UCN3: variants seen among roughly 807,000 people sequenced by gnomAD.
The protein encoded by UCN3 is urocortin-3.
Under a neutral mutation model 3.6 loss-of-function variants are expected in UCN3, and 3 were observed. The ratio of observed to expected loss-of-function variants is 0.83; its 90% CI spans 0.38 to 2.15. The LOEUF (loss-of-function observed/expected upper bound fraction) is 2.15, where lower values mean the gene tolerates loss of function less well. UCN3 is among the 30% of genes most tolerant of loss of function. The pLI is 0.06. For synonymous variants in UCN3, 100 were observed against 93.2 expected (o/e 1.07, Z -0.42); for missense variants, 206 against 208.3 (o/e 0.99, Z 0.07).
intron 1 of UCN3, among the ~76,000 whole-genome samples, chr10:5,370,438 CGTGTGTATGT>C (rs1831364626): frequency 6.6e-5 from 1 of 15,094 alleles, no homozygotes. Context: ...TGTGTATATG[CGTGTGTATGT>C]GTGTGTGTAT....
Position 5,373,767 on chromosome 10 carries a change from G to A in UCN3, c.47G>A (p.Gly16Glu), listed in dbSNP as rs781916636. The A allele has an allele frequency of 6.2e-6, 10 of 1,613,682 alleles. No individual in the cohort carries two copies. Among genetic ancestry groups the A allele is most frequent in the South Asian group, 1.1e-5 (1 of 91,060 alleles). ...HFLLLLLLLL[G>E]GPRTGLPHKF... Reference sequence around the variant, plus strand: ...CTGCTGCTCCTGCTGCTGCTCCTGGGGGGCCCCAGGACAGGCCTCCCCCAC... The same window carrying A: ...CTGCTGCTCCTGCTGCTGCTCCTGGAGGGCCCCAGGACAGGCCTCCCCCAC... Residue 16 changes from glycine (G) to glutamate (E), a missense_variant, in exon 2 of 2, where the codon GGG (glycine) becomes GAG (glutamate). Gly to Glu is a moderately conservative substitution (Grantham distance 98, BLOSUM62 -2). Coordinates refer to ENST00000380433, the MANE Select transcript of UCN3 (RefSeq NM_053049.4).
At chr10:5,369,116 G>A (rs1056067411) in intron 1 of UCN3, among the ~76,000 whole-genome samples, 1 of 152,158 alleles carries the variant, frequency 6.6e-6, no homozygotes, top group Non-Finnish European at 1.5e-5. Context: ...CTTAGACTAA[G>A]GGCAAAAGGA....
intron 1 of UCN3, among the ~76,000 whole-genome samples, chr10:5,371,091 TGTATGG>T (rs1831419376): frequency 6.6e-6 from 1 of 151,326 alleles, no homozygotes; most frequent in Admixed American, 6.6e-5. Context: ...TGTGTGCATG[TGTATGG>T]TTGTGTGTAT....
intron 1 of UCN3, among the ~76,000 whole-genome samples, chr10:5,369,042 G>A (rs77795282): frequency 0.026 from 3,930 of 152,238 alleles, 82 homozygotes; most frequent in East Asian, 0.092. Flanking sequence ...ACGGGGCCCC[G>A]CAGGCTGTGT....
Position 5,373,960 on chromosome 10 carries a change from T to C in UCN3, c.240T>C (p.Thr80=), listed in dbSNP as rs922486459. The C allele has an allele frequency of 2.4e-5, 39 of 1,610,674 alleles. 1 individual carries two copies. Among genetic ancestry groups the C allele is most frequent in the Non-Finnish European group, 3.3e-5 (39 of 1,178,512 alleles). Residue 80 remains threonine (T), a synonymous_variant, in exon 2 of 2, where the codon ACT becomes ACC. Coordinates refer to ENST00000380433, the MANE Select transcript of UCN3 (RefSeq NM_053049.4). The part of the protein sequence containing the change: ...GEEEEGKEKK[T]FPISGARGGA... ...AGGAGGAGGGCAAAGAGAAAAAGAC[T>C]TTCCCCATCTCTGGGGCCAGGGGTG...
chr10:5,373,988 G>A lies in UCN3; in HGVS notation c.268G>A (p.Ala90Thr). ...TFPISGARGGARGTRYRYVSQ... is the reference protein window; with the variant it reads ...TFPISGARGGTRGTRYRYVSQ... ...CCCCATCTCTGGGGCCAGGGGTGGA[G>A]CCAGAGGCACCCGGTACAGATACGT... Residue 90 changes from alanine (A) to threonine (T), a missense_variant, in exon 2 of 2, where the codon GCC becomes ACC. Transcript: ENST00000380433. 6.2e-7 allele frequency: 1 copy of A among 1,610,614 alleles called. No homozygotes were observed.
intron 1 of UCN3, among the ~76,000 whole-genome samples, chr10:5,370,573 G>T (rs1246795854): frequency 1.1e-5 from 1 of 88,504 alleles, no homozygotes; most frequent in Non-Finnish European, 2.2e-5. Context: ...GTGTATATGC[G>T]TGTATATGTG....
In UCN3 at chr10:5,370,633, ATG is replaced by A. The variant is rs781873722; in HGVS notation, c.-6-3074_-6-3073del. Among the ~76,000 whole-genome samples the A allele has an allele frequency of 9.2e-4, 59 of 64,028 alleles. 8 individuals are homozygous for A. In the East Asian group the frequency reaches 9.7e-3, roughly 11 times the overall value. 42.0% of individuals were successfully genotyped at this position (64,028 alleles called of 152,430 possible). A position where few individuals can be genotyped will look rare whatever the true frequency, so the allele number is the denominator to read the frequency against. Reference sequence around the variant, plus strand: ...TGTATATGCGTGTATATGCGTGTGTATGTGTGTGTATATGTGTGTGTATGTGT... The same window carrying A: ...TGTATATGCGTGTATATGCGTGTGTATGTGTGTATATGTGTGTGTATGTGT... On this transcript the variant is annotated intron_variant, in intron 1 of 1. Coordinates refer to ENST00000380433, the MANE Select transcript of UCN3 (RefSeq NM_053049.4).
chr10:5,366,516 T>A lies in UCN3; in HGVS notation c.-7+1286T>A, dbSNP rs1237303014. On this transcript the variant is annotated intron_variant, in intron 1 of 1. Transcript: ENST00000380433. The surrounding 1 kb of genome is among the most constrained non-coding windows in gnomAD (Gnocchi z 4.2). Reference sequence around the variant, plus strand: ...TAGACTTTATGTGGGAAGTACAGAGTATCTTTTCTTCTTTGGGGAGAGTTC... The same window carrying A: ...TAGACTTTATGTGGGAAGTACAGAGAATCTTTTCTTCTTTGGGGAGAGTTC... Among the ~76,000 whole-genome samples the A allele has an allele frequency of 2.0e-5, 3 of 152,066 alleles. No homozygotes were observed. Among genetic ancestry groups the A allele is most frequent in the African/African-American group, 7.2e-5 (3 of 41,404 alleles).
chr10:5,370,003 G>GTA (rs1831329031), intron 1 of UCN3, among the ~76,000 whole-genome samples: 1 of 65,484 alleles, frequency 1.5e-5, no homozygotes, highest in African/African-American at 6.4e-5. Context: ...GTATGTGTGT[G>GTA]TGTATGTGTG....
rs781928231 is a variant in UCN3 at position 5,374,011 on chromosome 10, C to T, written c.291C>T (p.Tyr97=). 29 of 1,611,230 alleles carry T rather than the reference C, an allele frequency of 1.8e-5. No homozygotes were observed. The highest frequency in any genetic ancestry group is 1.8e-4 in the South Asian group (16 of 90,612). Residue 97 remains tyrosine (Y), a synonymous_variant, in exon 2 of 2, where the codon TAC becomes TAT. Transcript: ENST00000380433. ...GAGCCAGAGGCACCCGGTACAGATA[C>T]GTGTCCCAAGCACAGCCCAGGGGAA... ...RGGARGTRYR[Y]VSQAQPRGKP...
intron 1 of UCN3, among the ~76,000 whole-genome samples, chr10:5,370,859 G>GTGTGTA (rs1554811424): frequency 8.8e-6 from 1 of 113,520 alleles, no homozygotes; most frequent in African/African-American, 3.8e-5. Context: ...GCGCGTGTGT[G>GTGTGTA]TGCGTGTGTA....
chr10:5,371,197 GGTGT>G (rs1251062921), intron 1 of UCN3, among the ~76,000 whole-genome samples: 7 of 150,956 alleles, frequency 4.6e-5, no homozygotes, highest in Admixed American at 2.6e-4. Context: ...GTACGTGTGA[GGTGT>G]GTATGTGTGC....
intron 1 of UCN3, among the ~76,000 whole-genome samples, 189 bp from the exon 2 acceptor site, chr10:5,373,526 A>G (rs1554811715): frequency 6.6e-6 from 1 of 152,172 alleles, no homozygotes; most frequent in African/African-American, 2.4e-5. Flanking sequence ...CTCGTTCTGG[A>G]AAAAGACCTG....
At chr10:5,369,887 A>ATATG (rs1831318441) in intron 1 of UCN3, among the ~76,000 whole-genome samples, 1 of 74,100 alleles carries the variant, frequency 1.3e-5, no homozygotes, top group African/African-American at 5.2e-5. Flanking sequence ...GTGTGTGTAT[A>ATATG]TGTGTGTGTG....
intron 1 of UCN3, among the ~76,000 whole-genome samples, chr10:5,371,601 CAT>C (rs782028227): frequency 1.3e-5 from 2 of 152,102 alleles, no homozygotes; most frequent in African/African-American, 2.4e-5. Flanking sequence ...CCACTGCACT[CAT>C]GTGTGGGAAA....
Position 5,373,907 on chromosome 10 carries a change from C to A in UCN3, c.187C>A (p.Arg63Ser), listed in dbSNP as rs200179226. 26 of 1,613,666 alleles carry A rather than the reference C, an allele frequency of 1.6e-5. No homozygotes were observed. The highest frequency in any genetic ancestry group is 1.2e-4 in the African/African-American group (9 of 74,866). The change falls in exon 2 of 2, where the codon CGC becomes AGC. Residue 63 changes from arginine to serine, a missense_variant. By Grantham distance (110) the Arg-to-Ser change is moderately radical. Coordinates refer to ENST00000380433, the MANE Select transcript of UCN3 (RefSeq NM_053049.4). ...GAGCAAGAGGAGCTTCCACTACCTG[C>A]GCAGCAGAGACGCCTCTTCGGGAGA... ...LLSKRSFHYL[R>S]SRDASSGEEE... is the part of the protein sequence containing the mutation.
In UCN3 at chr10:5,366,752, G is replaced by T. The variant is rs1156736756; in HGVS notation, c.-7+1522G>T. On this transcript the variant is annotated intron_variant, in intron 1 of 1. Transcript: ENST00000380433. This position sits in a 1 kb window ranked among gnomAD's most constrained non-coding sequence, Gnocchi z 4.2. ...CCTATCATGTCCAATTCACAGTTCT[G>T]GGAGGTTCCTTTGCTGTGTAACTTT... Among the ~76,000 whole-genome samples the T allele has an allele frequency of 3.3e-5, 5 of 152,164 alleles. No individual in the cohort carries two copies. The highest frequency in any genetic ancestry group is 7.3e-5 in the Non-Finnish European group (5 of 68,036).
Position 5,366,272 on chromosome 10 carries a change from C to T in UCN3, c.-7+1042C>T, listed in dbSNP as rs894355213. On this transcript the variant is annotated intron_variant, in intron 1 of 1. Transcript: ENST00000380433. The surrounding 1 kb of genome is among the most constrained non-coding windows in gnomAD (Gnocchi z 4.2). Reference sequence around the variant, plus strand: ...TAACTGTGTCTCTTTACAGCATCCTCGACAAGTGCTACTGTCACCATAGCC... The same window carrying T: ...TAACTGTGTCTCTTTACAGCATCCTTGACAAGTGCTACTGTCACCATAGCC... 3.3e-5 allele frequency among the ~76,000 whole-genome samples: 5 copies of T among 152,156 alleles called. No homozygotes were observed. Among genetic ancestry groups the T allele is most frequent in the Non-Finnish European group, 7.3e-5 (5 of 68,034 alleles).
Sources: allele counts gnomAD v4.1 joint callset (sites outside exome capture counted in the v4.1 genomes callset), GRCh38; gene constraint gnomAD v4.1.1; non-coding constraint Gnocchi (gnomAD v3.1); transcripts MANE v1.5; gene names NCBI Gene and HGNC (gene_info 2026-07-23, HGNC 2026-07-21).